Variants in DYNLT1 observed in about 807,000 individuals in gnomAD.
DYNLT1 encodes the protein T-complex testis-specific protein 1 homolog.
In DYNLT1, 18 loss-of-function variants were observed where a neutral mutation model predicts 19.6. The observed-to-expected ratio is 0.92, with a 90% CI of 0.64 to 1.36. The LOEUF (loss-of-function observed/expected upper bound fraction) is 1.36. DYNLT1 is among the 40% of genes most tolerant of loss of function. The pLI, the probability that DYNLT1 is intolerant of heterozygous loss-of-function variation, is 0.00. For synonymous variants in DYNLT1, 56 were observed against 44.0 expected, an observed-to-expected ratio of 1.27 and a Z score of -1.07; for missense variants, 137 against 139.3, an observed-to-expected ratio of 0.98 and a Z score of 0.08.
intron 1 of DYNLT1, among the ~76,000 whole-genome samples, chr6:158,644,173 CG>C (rs1253088069): frequency 6.6e-6 from 1 of 152,006 alleles, no homozygotes; most frequent in Non-Finnish European, 1.5e-5. Context: ...GACAAAGGCG[CG>C]GGATGGCCGG....
intron 1 of DYNLT1, among the ~76,000 whole-genome samples, chr6:158,644,446 C>T (rs947093745): frequency 6.6e-6 from 1 of 152,178 alleles, no homozygotes; most frequent in Non-Finnish European, 1.5e-5. Flanking sequence ...CCGGTGCCTC[C>T]CCGCGCGGGA....
At chr6:158,637,330 G>C (rs1269938458) in intron 3 of DYNLT1, 125 bp from the exon 4 acceptor site, 1 of 811,070 alleles carries the variant, frequency 1.2e-6, no homozygotes, top group Non-Finnish European at 2.0e-6. Flanking sequence ...AAAAATTATA[G>C]GGACAGATTG....
intron 3 of DYNLT1, 64 bp from the exon 4 acceptor site, chr6:158,637,269 C>A: frequency 6.8e-7 from 1 of 1,473,736 alleles, no homozygotes; most frequent in South Asian, 1.2e-5. Context: ...ATTCTGTCCA[C>A]TTTTAGCAAA....
chr6:158,637,165 G>C lies in DYNLT1; in HGVS notation c.234C>G (p.His78Gln). 1 of 1,614,228 alleles carries C rather than the reference G, an allele frequency of 6.2e-7. No homozygotes were observed. Among genetic ancestry groups the C allele is most frequent in the Non-Finnish European group, 8.5e-7 (1 of 1,180,046 alleles). The change falls in exon 4 of 5, where the codon CAC becomes CAG. Residue 78 changes from histidine (H) to glutamine (Q), a missense_variant. His to Gln is a conservative substitution (Grantham distance 24). Transcript: ENST00000367089. ...TGTCCCAGAAGCAGGAACTTGCTGTGTGTAATCCAGCTCCATTCTTCTGCA... is the reference window on the plus strand; with the variant it reads ...TGTCCCAGAAGCAGGAACTTGCTGTCTGTAATCCAGCTCCATTCTTCTGCA... ...VIMQKNGAGL[H>Q]TASSCFWDSS...
At position 158,640,286 on chromosome 6, in the gene DYNLT1, G is replaced by A. The variant is rs1356664196; in HGVS notation, c.69+1033C>T. Among the ~76,000 whole-genome samples, 6 of 152,338 alleles carry A rather than the reference G, an allele frequency of 3.9e-5. No homozygotes were observed. In the East Asian group the frequency reaches 9.6e-4, roughly 24 times the overall value. The stretch of plus-strand genomic sequence containing the variant: ...TGGATACTGATCACAAACATAGGTT[G>A]CGGTTTTTTATCAAACACTAGTCAA... On this transcript the variant is annotated intron_variant, in intron 2 of 4. Coordinates refer to ENST00000367089, the MANE Select transcript of DYNLT1 (RefSeq NM_006519.4).
chr6:158,638,150 TAC>T (rs1209596008), intron 2 of DYNLT1, among the ~76,000 whole-genome samples: 8 of 152,166 alleles, frequency 5.3e-5, no homozygotes, highest in Admixed American at 3.3e-4. Context: ...CTACTATTAA[TAC>T]ATTTTTTTTC....
chr6:158,644,476 C>T (rs1373785342), intron 1 of DYNLT1, among the ~76,000 whole-genome samples: 2 of 152,204 alleles, frequency 1.3e-5, no homozygotes, highest in African/African-American at 4.8e-5. Context: ...ATCCCCTTCC[C>T]GCCCCCCGCG....
chr6:158,639,540 T>C (rs1344375549), intron 2 of DYNLT1, among the ~76,000 whole-genome samples: 1 of 152,148 alleles, frequency 6.6e-6, no homozygotes, highest in Non-Finnish European at 1.5e-5. Flanking sequence ...CCTGCGCAAA[T>C]TGACTACTAC....
At chr6:158,640,939 G>T (rs1247060193) in intron 2 of DYNLT1, among the ~76,000 whole-genome samples, 1 of 152,128 alleles carries the variant, frequency 6.6e-6, no homozygotes, top group Admixed American at 6.5e-5. Context: ...TAAGCAAATA[G>T]GCCCCAAACT....
intron 2 of DYNLT1, among the ~76,000 whole-genome samples, chr6:158,640,125 G>GC (rs1787105802): frequency 6.6e-6 from 1 of 152,020 alleles, no homozygotes; most frequent in South Asian, 2.1e-4. Flanking sequence ...CCACCTTCCT[G>GC]CCCCCTGCTG....
At chr6:158,637,328 T>A in intron 3 of DYNLT1, 123 bp from the exon 4 acceptor site, 1 of 829,006 alleles carries the variant, frequency 1.2e-6, no homozygotes, top group South Asian at 1.8e-5. Flanking sequence ...ATAAAAATTA[T>A]AGGGACAGAT....
At position 158,644,670 on chromosome 6, in the gene DYNLT1, C is replaced by A. The variant is rs768762655; in HGVS notation, c.27+12G>T. ...TAGGCCTCCACCCTTCCGTCGCCGA[C>A]CCGGCGGTTACCTCCTCCGCAGCCT... On this transcript the variant is annotated intron_variant, in intron 1 of 4. Coordinates refer to ENST00000367089, the MANE Select transcript of DYNLT1 (RefSeq NM_006519.4). 11 of 1,611,960 alleles carry A rather than the reference C, an allele frequency of 6.8e-6. No homozygotes were observed. Among genetic ancestry groups the A allele is most frequent in the Non-Finnish European group, 8.5e-6 (10 of 1,179,718 alleles).
intron 3 of DYNLT1, chr6:158,637,528 C>T (rs1211724269): frequency 1.5e-6 from 1 of 653,028 alleles, no homozygotes; most frequent in Admixed American, 2.9e-5. Flanking sequence ...TTCCTCTATG[C>T]TTCACTTGTT....
rs1228194439 is a variant in DYNLT1, at chr6:158,644,701, T to C, written c.8A>G (p.Asp3Gly). Residue 3 changes from aspartate to glycine, a missense_variant, in exon 1 of 5, where the codon GAC becomes GGC. Asp to Gly is a moderately conservative substitution (Grantham distance 94). Transcript: ENST00000367089. Reference sequence around the variant, plus strand: ...GGTTACCTCCTCCGCAGCCTGGTAGTCTTCCATCTTTCCTCCGGCGCGTCC... The same window carrying C: ...GGTTACCTCCTCCGCAGCCTGGTAGCCTTCCATCTTTCCTCCGGCGCGTCC... ME[D>G]YQAAEETAFV... The C allele has an allele frequency of 5.0e-6, 8 of 1,611,896 alleles. No homozygotes were observed. Among genetic ancestry groups the C allele is most frequent in the Non-Finnish European group, 6.8e-6 (8 of 1,179,700 alleles).
intron 1 of DYNLT1, 123 bp downstream of exon 1, chr6:158,644,559 T>G: frequency 8.4e-7 from 1 of 1,188,374 alleles, no homozygotes; most frequent in Non-Finnish European, 1.2e-6. Context: ...GCTCAGGCCG[T>G]GGGCTGCCGA....
chr6:158,643,929 C>A (rs1290933658), intron 1 of DYNLT1, among the ~76,000 whole-genome samples: 13 of 152,016 alleles, frequency 8.6e-5, no homozygotes, highest in Non-Finnish European at 1.5e-5. Context: ...TGTATCTCAG[C>A]TGCGCCCATC....
chr6:158,639,703 CAG>C (rs1407581326), intron 2 of DYNLT1, among the ~76,000 whole-genome samples: 1 of 152,040 alleles, frequency 6.6e-6, no homozygotes, highest in Non-Finnish European at 1.5e-5. Context: ...TTTTTTAAGA[CAG>C]AGTCTTGCTC....
chr6:158,644,447 C>T (rs2128338444), intron 1 of DYNLT1, among the ~76,000 whole-genome samples: 1 of 152,296 alleles, frequency 6.6e-6, no homozygotes, highest in East Asian at 1.9e-4. Context: ...CGGTGCCTCC[C>T]CGCGCGGGAA....
intron 2 of DYNLT1, among the ~76,000 whole-genome samples, chr6:158,640,310 A>G (rs1255170616): frequency 6.6e-6 from 1 of 152,232 alleles, no homozygotes; most frequent in East Asian, 1.9e-4. Flanking sequence ...AACACTAGTC[A>G]ATAATTTACA....
Sources: gnomAD v4.1 joint callset for allele counts (sites outside exome capture counted in the v4.1 genomes callset) on GRCh38, gnomAD v4.1.1 for gene constraint, MANE v1.5 for transcripts, NCBI Gene and HGNC (gene_info 2026-07-23, HGNC 2026-07-21) for gene names.